The following ARHGAP26 variants were observed in gnomAD, a reference collection of about 807,000 sequenced individuals.
The protein encoded by ARHGAP26 is rho GTPase-activating protein 26.
A neutral mutation model predicts 104.8 loss-of-function variants in ARHGAP26; 38 were observed. That is an observed-to-expected ratio of 0.36 (90% CI 0.28 to 0.48). The LOEUF (loss-of-function observed/expected upper bound fraction) is 0.48, where lower values mean the gene tolerates loss of function less well. ARHGAP26 is among the 20% of genes least tolerant of loss of function. The pLI is 0.99. For synonymous variants in ARHGAP26, 341 were observed against 340.0 expected (o/e 1.00, Z -0.03); for missense variants, 704 against 947.9 (o/e 0.74, Z 3.38).
intron 20 of ARHGAP26, among the ~76,000 whole-genome samples, chr5:143,189,318 A>G (rs147112474): frequency 5.1e-4 from 78 of 152,318 alleles, no homozygotes; most frequent in African/African-American, 1.7e-3. Context: ...AAAAAGATGC[A>G]CTTGGGCTTA....
chr5:143,171,389 C>A (rs1260823826), intron 20 of ARHGAP26, among the ~76,000 whole-genome samples: 1 of 152,064 alleles, frequency 6.6e-6, no homozygotes, highest in Non-Finnish European at 1.5e-5. Flanking sequence ...GGTTTGTAGC[C>A]CTAGATGAGA....
intron 18 of ARHGAP26, among the ~76,000 whole-genome samples, chr5:143,132,312 C>T (rs1319562443): frequency 1.3e-5 from 2 of 151,500 alleles, no homozygotes; most frequent in Admixed American, 1.3e-4. Flanking sequence ...TTTTTAAATG[C>T]ACACAGAAAA....
chr5:142,785,657 T>C (rs1561837064), intron 1 of ARHGAP26, among the ~76,000 whole-genome samples: 1 of 152,224 alleles, frequency 6.6e-6, no homozygotes, highest in South Asian at 2.1e-4. Context: ...GGTTTCAGCT[T>C]TAACCATTTT....
chr5:142,771,651 C>T (rs1755234458), intron 1 of ARHGAP26, among the ~76,000 whole-genome samples: 1 of 152,214 alleles, frequency 6.6e-6, no homozygotes, highest in Non-Finnish European at 1.5e-5. Flanking sequence ...CTCTCCTGCT[C>T]CCAAGCTCTC....
At chr5:143,101,127 T>C (rs1156554510) in intron 17 of ARHGAP26, among the ~76,000 whole-genome samples, 2 of 152,094 alleles carry the variant, frequency 1.3e-5, no homozygotes, top group Admixed American at 6.6e-5. Context: ...ACCAAAGAGT[T>C]CTGAAGCCAT....
intron 1 of ARHGAP26, among the ~76,000 whole-genome samples, chr5:142,870,014 A>G (rs913443943): frequency 1.2e-4 from 18 of 152,308 alleles, no homozygotes; most frequent in African/African-American, 4.1e-4. Flanking sequence ...AGATGCCGGC[A>G]GTTATGACTT....
chr5:143,001,891 T>G (rs533762480), intron 11 of ARHGAP26, among the ~76,000 whole-genome samples: 2 of 152,236 alleles, frequency 1.3e-5, no homozygotes, highest in East Asian at 3.9e-4. Context: ...CAAGATTATT[T>G]TTGGATTTGG....
intron 1 of ARHGAP26, among the ~76,000 whole-genome samples, chr5:142,773,422 A>G (rs1244314976): frequency 1.3e-5 from 2 of 152,224 alleles, no homozygotes; most frequent in African/African-American, 2.4e-5. Context: ...AGTGTTAATC[A>G]TAGGCAATAA....
At chr5:142,851,795 C>G (rs1597907881) in intron 1 of ARHGAP26, among the ~76,000 whole-genome samples, 1 of 152,194 alleles carries the variant, frequency 6.6e-6, no homozygotes, top group African/African-American at 2.4e-5. Flanking sequence ...GGTGCTCTTT[C>G]GGCATGGCCT....
intron 1 of ARHGAP26, among the ~76,000 whole-genome samples, chr5:142,795,980 G>A (rs1760907207): frequency 6.6e-6 from 1 of 151,706 alleles, no homozygotes; most frequent in Admixed American, 6.6e-5. Flanking sequence ...CCACTTCTCT[G>A]CTCTACTTTT....
intron 11 of ARHGAP26, among the ~76,000 whole-genome samples, chr5:142,980,829 A>G (rs1230132412): frequency 6.6e-6 from 1 of 152,190 alleles, no homozygotes; most frequent in Non-Finnish European, 1.5e-5. Flanking sequence ...AAGAGGTTGT[A>G]CCCATTTTCA....
Position 143,225,498 on chromosome 5 carries a change from G to A in ARHGAP26, c.*3052G>A, listed in dbSNP as rs1811589000. 4.9e-6 allele frequency: 1 copy of A among 206,010 alleles called. No homozygotes were observed. Among genetic ancestry groups the A allele is most frequent in the Non-Finnish European group, 9.9e-6 (1 of 100,836 alleles). 12.8% of individuals were successfully genotyped at this position (206,010 alleles called of 1,614,324 possible). ...GCCGCTGCGGCCGACCACATTTGAT[G>A]TTTGAAGTTGTAATCTGTCCCATCA... On this transcript the variant is annotated 3_prime_UTR_variant, in exon 23 of 23. Transcript: ENST00000645722.
At chr5:143,206,092 C>T (rs1259300595) in intron 20 of ARHGAP26, among the ~76,000 whole-genome samples, 1 of 152,104 alleles carries the variant, frequency 6.6e-6, no homozygotes, top group Non-Finnish European at 1.5e-5. Context: ...TTGGTATAAC[C>T]CTAGGGAAGT....
chr5:143,135,942 C>T (rs1227414523), intron 19 of ARHGAP26, among the ~76,000 whole-genome samples: 1 of 152,220 alleles, frequency 6.6e-6, no homozygotes, highest in Non-Finnish European at 1.5e-5. Context: ...ACACTTGGAA[C>T]AGAACTGGCC....
intron 11 of ARHGAP26, among the ~76,000 whole-genome samples, chr5:142,974,868 C>T (rs576104507): frequency 6.6e-6 from 1 of 152,336 alleles, no homozygotes; most frequent in South Asian, 2.1e-4. Flanking sequence ...TCAAGACCTT[C>T]CATTCCATTT....
chr5:142,907,860 A>T, intron 9 of ARHGAP26, 56 bp downstream of exon 9: 1 of 1,254,692 alleles, frequency 8.0e-7, no homozygotes, highest in South Asian at 1.3e-5. Context: ...TATAATGATT[A>T]TAATGCATGT....
chr5:142,835,978 G>C (rs892550912), intron 1 of ARHGAP26, among the ~76,000 whole-genome samples: 4 of 152,210 alleles, frequency 2.6e-5, no homozygotes. Context: ...GCAATTCACA[G>C]AGTTAGTAAA....
intron 9 of ARHGAP26, among the ~76,000 whole-genome samples, chr5:142,908,070 C>T (rs536030166): frequency 1.4e-4 from 22 of 152,102 alleles, no homozygotes; most frequent in Non-Finnish European, 3.1e-4. Flanking sequence ...CAATATCAAG[C>T]GTATCAAATA....
intron 7 of ARHGAP26, among the ~76,000 whole-genome samples, chr5:142,903,300 G>A (rs910318150): frequency 6.6e-6 from 1 of 152,142 alleles, no homozygotes; most frequent in Non-Finnish European, 1.5e-5. Context: ...AGTGAGGGCT[G>A]GGCATTTGCA....
Sources: gnomAD v4.1 joint callset for allele counts (sites outside exome capture counted in the v4.1 genomes callset) on GRCh38, gnomAD v4.1.1 for gene constraint, MANE v1.5 for transcripts, NCBI Gene and HGNC (gene_info 2026-07-23, HGNC 2026-07-21) for gene names.